The following PDE10A variants were observed in gnomAD, a reference collection of about 807,000 sequenced individuals.
PDE10A encodes the protein phosphodiesterase 10A.
Under a neutral mutation model 97.7 loss-of-function variants are expected in PDE10A, and 39 were observed. That is an observed-to-expected ratio of 0.40 (90% CI 0.31 to 0.52). The LOEUF (loss-of-function observed/expected upper bound fraction) is 0.52, where lower values mean the gene tolerates loss of function less well. Ranked by LOEUF, PDE10A falls within the 20% of genes least tolerant of loss-of-function variation. The pLI, the probability that PDE10A is intolerant of heterozygous loss-of-function variation, is 0.56. For synonymous variants in PDE10A, 371 were observed against 376.8 expected (o/e 0.98, Z 0.18); for missense variants, 731 against 1,047.8 (o/e 0.70, Z 4.17).
At chr6:165,342,183 A>AT (rs35997990) in intron 19 of PDE10A, among the ~76,000 whole-genome samples, 85,166 of 151,982 alleles carry the variant, frequency 0.56, 25,201 homozygotes, top group African/African-American at 0.76. Context: ...GCATACTTAA[A>AT]TTTTTTATAT....
chr6:165,834,816 G>A (rs1004767349), intron 1 of PDE10A, among the ~76,000 whole-genome samples: 2 of 152,218 alleles, frequency 1.3e-5, no homozygotes, highest in African/African-American at 4.8e-5. Flanking sequence ...CCAGCTGGCA[G>A]GGAAGGCAGC....
chr6:165,397,753 ATACT>A (rs564243860), intron 13 of PDE10A, among the ~76,000 whole-genome samples: 116 of 151,838 alleles, frequency 7.6e-4, no homozygotes, highest in African/African-American at 2.3e-3. Flanking sequence ...AAGAGTAAAG[ATACT>A]TTCTTTATTT....
intron 1 of PDE10A, among the ~76,000 whole-genome samples, chr6:165,633,348 C>T (rs966633363): frequency 2.0e-5 from 3 of 152,166 alleles, no homozygotes; most frequent in African/African-American, 7.2e-5. Flanking sequence ...AAATGTGGCT[C>T]AGAAGCGGCC....
At chr6:165,652,932 C>T (rs1330802117) in intron 1 of PDE10A, among the ~76,000 whole-genome samples, 1 of 152,230 alleles carries the variant, frequency 6.6e-6, no homozygotes, top group Non-Finnish European at 1.5e-5. Flanking sequence ...TCCTTCCCAT[C>T]AACTCAGGGT....
At chr6:165,555,592 T>C (rs953758706) in intron 1 of PDE10A, among the ~76,000 whole-genome samples, 1 of 152,236 alleles carries the variant, frequency 6.6e-6, no homozygotes, top group Non-Finnish European at 1.5e-5. Context: ...GATACATTGA[T>C]AATAAAATCT....
At chr6:165,601,506 G>C (rs1160243867) in intron 1 of PDE10A, among the ~76,000 whole-genome samples, 1 of 152,218 alleles carries the variant, frequency 6.6e-6, no homozygotes, top group Admixed American at 6.5e-5. Context: ...CTATGAGGTA[G>C]AGAAATGAAA....
chr6:165,843,584 C>A (rs749642419), intron 1 of PDE10A, among the ~76,000 whole-genome samples: 2 of 152,206 alleles, frequency 1.3e-5, no homozygotes, highest in Non-Finnish European at 2.9e-5. Context: ...GACAGGCTCC[C>A]TGAAGCCTCC....
chr6:165,951,885 C>G (rs1177297625), intron 1 of PDE10A, among the ~76,000 whole-genome samples: 1 of 152,256 alleles, frequency 6.6e-6, no homozygotes, highest in Non-Finnish European at 1.5e-5. Context: ...CAGCCCTGTT[C>G]TAGCTAAAAA....
rs1425415476 is a variant in PDE10A at position 165,752,870 on chromosome 6, C to A, written c.-614-209302G>T. 4.6e-5 allele frequency among the ~76,000 whole-genome samples: 7 copies of A among 152,208 alleles called. No individual in the cohort carries two copies. In the East Asian group the frequency reaches 1.3e-3, roughly 29 times the overall value. ...TGTCAACATGGAGGTAAGGAAGTCA[C>A]CTGCTAACAGATGCTGCTCGACGTA... On this transcript the variant is annotated intron_variant, in intron 1 of 19. Coordinates refer to the PDE10A transcript ENST00000366882.
At chr6:165,647,382 C>A (rs189913902) in intron 1 of PDE10A, among the ~76,000 whole-genome samples, 123 of 152,264 alleles carry the variant, frequency 8.1e-4, no homozygotes, top group African/African-American at 2.8e-3. Context: ...TAGACAGGAC[C>A]GAGTGAAGGC....
At chr6:165,946,069 C>A (rs1453364901) in intron 1 of PDE10A, among the ~76,000 whole-genome samples, 2 of 151,628 alleles carry the variant, frequency 1.3e-5, no homozygotes, top group Non-Finnish European at 2.9e-5. Flanking sequence ...GGGTCATAAC[C>A]AAAAAAAAAT....
intron 1 of PDE10A, among the ~76,000 whole-genome samples, chr6:165,965,921 G>A (rs569206075): frequency 9.2e-5 from 14 of 152,314 alleles, no homozygotes; most frequent in South Asian, 4.1e-4. Flanking sequence ...TTTGGTCATA[G>A]CTACATAAAA....
intron 1 of PDE10A, among the ~76,000 whole-genome samples, chr6:165,962,120 T>C (rs1784379860): frequency 6.6e-6 from 1 of 152,248 alleles, no homozygotes. Context: ...GCCGCTGAGA[T>C]TGGAACCCAG....
intron 1 of PDE10A, among the ~76,000 whole-genome samples, chr6:165,657,536 T>C (rs1339581892): frequency 6.6e-6 from 1 of 152,262 alleles, no homozygotes; most frequent in Non-Finnish European, 1.5e-5. Flanking sequence ...ATGTTTAACC[T>C]GCCGTATAGT....
At chr6:165,624,626 C>T (rs1179208484) in intron 1 of PDE10A, among the ~76,000 whole-genome samples, 1 of 152,126 alleles carries the variant, frequency 6.6e-6, no homozygotes, top group Non-Finnish European at 1.5e-5. Flanking sequence ...TAATCTTGTA[C>T]AAATGAATTG....
At chr6:165,805,279 A>G (rs1425917115) in intron 1 of PDE10A, among the ~76,000 whole-genome samples, 5 of 152,118 alleles carry the variant, frequency 3.3e-5, no homozygotes, top group Non-Finnish European at 4.4e-5. Context: ...GGACGCCGGA[A>G]GGAACGGCCG....
chr6:165,919,066 G>A (rs1027393473), intron 1 of PDE10A, among the ~76,000 whole-genome samples: 2 of 152,082 alleles, frequency 1.3e-5, no homozygotes, highest in African/African-American at 4.8e-5. Flanking sequence ...GAAGATAAAG[G>A]AGGTCCTGAA....
intron 15 of PDE10A, 132 bp downstream of exon 15, chr6:165,395,048 GA>G (rs1456909678): frequency 4.7e-5 from 26 of 549,780 alleles, no homozygotes; most frequent in Non-Finnish European, 8.2e-5. Flanking sequence ...GAATATTTAG[GA>G]AAAAAAGTAA....
At chr6:165,490,187 G>A (rs1780149043) in intron 2 of PDE10A, among the ~76,000 whole-genome samples, 1 of 152,226 alleles carries the variant, frequency 6.6e-6, no homozygotes, top group East Asian at 1.9e-4. Flanking sequence ...CGTAAGAGCT[G>A]TGAGGCAAGA....
Sources: gnomAD v4.1 joint callset for allele counts (sites outside exome capture counted in the v4.1 genomes callset) on GRCh38, gnomAD v4.1.1 for gene constraint, MANE v1.5 for transcripts, NCBI Gene and HGNC (gene_info 2026-07-23, HGNC 2026-07-21) for gene names.